TMEM14B: variants seen among roughly 807,000 people sequenced by gnomAD.
TMEM14B encodes the protein transmembrane protein 14B.
A neutral mutation model predicts 14.8 loss-of-function variants in TMEM14B; 9 were observed. The ratio of observed to expected loss-of-function variants is 0.61; its 90% CI spans 0.37 to 1.06. The LOEUF (loss-of-function observed/expected upper bound fraction) is 1.06, where lower values mean the gene tolerates loss of function less well. Among genes scored for constraint, TMEM14B ranks in the 50% least tolerant of loss-of-function variants. TMEM14B has a pLI of 0.01. For missense variants in TMEM14B, 128 were observed against 143.6 expected (o/e 0.89, Z 0.56); for synonymous variants, 40 against 51.3 (o/e 0.78, Z 0.94).
intron 1 of TMEM14B, among the ~76,000 whole-genome samples, chr6:10,748,711 C>T (rs1771430906): frequency 6.6e-6 from 1 of 152,142 alleles, no homozygotes. Flanking sequence ...TTACCCTCCC[C>T]TTCTGCCCTC....
downstream of TMEM14B, among the ~76,000 whole-genome samples, chr6:10,758,080 A>G (rs893824980): frequency 1.3e-5 from 2 of 152,036 alleles, no homozygotes; most frequent in African/African-American, 4.8e-5. Flanking sequence ...ATGTATTTGC[A>G]TAAGCCCCTG....
intron 4 of TMEM14B, among the ~76,000 whole-genome samples, chr6:10,754,233 A>G (rs1339671493): frequency 2.6e-5 from 4 of 152,156 alleles, no homozygotes. Context: ...AAATAATAAT[A>G]ATAATGCAAC....
chr6:10,747,927 T>G (rs1246844704), intron 1 of TMEM14B, 46 bp downstream of exon 1: 1 of 152,246 alleles, frequency 6.6e-6, no homozygotes, highest in Non-Finnish European at 1.5e-5. Context: ...TTCTGCCACT[T>G]TTAACTTTTA....
intron 3 of TMEM14B, among the ~76,000 whole-genome samples, chr6:10,750,205 TCTG>T (rs1241386952): frequency 2.0e-5 from 3 of 151,764 alleles, no homozygotes; most frequent in Non-Finnish European, 2.9e-5. Context: ...CCTATTTCCT[TCTG>T]CTTTTGTGAT....
chr6:10,749,603 ACTTCT>A lies in TMEM14B; in HGVS notation c.24-15_24-11del. 1.9e-6 allele frequency: 3 copies of A among 1,613,922 alleles called. No individual in the cohort carries two copies. Among genetic ancestry groups the A allele is most frequent in the Non-Finnish European group, 2.5e-6 (3 of 1,179,832 alleles). On this transcript the variant is annotated splice_polypyrimidine_tract_variant and intron_variant, in intron 2 of 5. Transcript: ENST00000379542. ...CCAGGTTAGCACTGACTTCTCACTG[ACTTCT>A]CTTGTGTTTTCAGAGTGCCTTTGCA...
intron 2 of TMEM14B, 144 bp downstream of exon 2, chr6:10,749,412 T>G: frequency 1.6e-6 from 2 of 1,230,110 alleles, no homozygotes; most frequent in Non-Finnish European, 1.2e-6. Flanking sequence ...GGCCAGAAAC[T>G]TGGGTTTGAG....
In TMEM14B at chr6:10,755,140, A is replaced by G. The variant is rs745409040; in HGVS notation, c.203-2A>G. The G allele has an allele frequency of 1.9e-6, 3 of 1,613,214 alleles. No individual in the cohort carries two copies. The African/African-American group carries it at 4.0e-5, about 22-fold the overall frequency. On this transcript the variant is annotated splice_acceptor_variant, in intron 4 of 5. Transcript: ENST00000379542. LOFTEE classifies it high-confidence loss of function. ...TTTGACCCTTCTTTGTATCTTTTTC[A>G]GCCGCTACATCTGTTACTTTTGTTG...
intron 5 of TMEM14B, chr6:10,755,955 CA>C (rs34267767): frequency 1.6e-3 from 202 of 128,478 alleles, no homozygotes; most frequent in East Asian, 2.7e-3. Context: ...GAGTCTGTCT[CA>C]AAAAAAAAAA....
chr6:10,754,012 G>C (rs1771700113), intron 4 of TMEM14B, among the ~76,000 whole-genome samples: 1 of 152,122 alleles, frequency 6.6e-6, no homozygotes, highest in Admixed American at 6.6e-5. Flanking sequence ...GGTGGCTCCT[G>C]CCTGTAGTCC....
intron 1 of TMEM14B, 98 bp from the exon 2 acceptor site, chr6:10,749,104 G>T (rs1419548062): frequency 2.7e-6 from 2 of 749,854 alleles, no homozygotes; most frequent in Non-Finnish European, 4.6e-6. Flanking sequence ...GAAGGATACT[G>T]AGACTTAGGT....
At chr6:10,751,445 G>A (rs142679222) in intron 4 of TMEM14B, among the ~76,000 whole-genome samples, 26 of 152,088 alleles carry the variant, frequency 1.7e-4, no homozygotes, top group Admixed American at 4.6e-4. Flanking sequence ...TAGATAATAT[G>A]GAAAGATTTC....
At chr6:10,756,235 G>A (rs979196358) in intron 5 of TMEM14B, among the ~76,000 whole-genome samples, 1 of 152,286 alleles carries the variant, frequency 6.6e-6, no homozygotes, top group East Asian at 1.9e-4. Flanking sequence ...ATTACTGGCA[G>A]TTGGATTAGG....
intron 3 of TMEM14B, chr6:10,750,095 G>A: frequency 4.7e-6 from 1 of 210,874 alleles, no homozygotes; most frequent in Non-Finnish European, 9.7e-6. Context: ...CAGTGGCTGT[G>A]CTTGTTTTTG....
chr6:10,756,409 A>G, intron 5 of TMEM14B, 58 bp from the exon 6 acceptor site: 1 of 1,597,536 alleles, frequency 6.3e-7, no homozygotes, highest in Non-Finnish European at 8.6e-7. Flanking sequence ...TTCCTTAAAA[A>G]CATAGTTGCC....
chr6:10,749,214 G>A lies in TMEM14B; in HGVS notation c.-32G>A, dbSNP rs900383696. 6 of 1,613,646 alleles carry A rather than the reference G, an allele frequency of 3.7e-6. No homozygotes were observed. In the South Asian group the frequency reaches 4.4e-5, roughly 12 times the overall value. The stretch of plus-strand genomic sequence containing the variant: ...TTGTTTTCCCCAGATGCAGGCCTGG[G>A]GTAGTCTCCTTTCTGGACTGAGAAG... On this transcript the variant is annotated 5_prime_UTR_variant, in exon 2 of 6. Coordinates refer to ENST00000379542, the MANE Select transcript of TMEM14B (RefSeq NM_030969.5).
rs1581616848 is a variant in TMEM14B, at chr6:10,756,359, C to G, written c.294-108C>G. 15 of 1,319,648 alleles carry G rather than the reference C, an allele frequency of 1.1e-5. No individual in the cohort carries two copies. The South Asian group carries it at 1.6e-4, about 14-fold the overall frequency. 81.7% of individuals were successfully genotyped at this position (1,319,648 alleles called of 1,614,324 possible). A position where few individuals can be genotyped will look rare whatever the true frequency, so the allele number is the denominator to read the frequency against. ...CCTCTGACCACTCTTGCCTTAGTAC[C>G]TCCTCCCCCACACAGTTGTGAGGAA... On this transcript the variant is annotated intron_variant, in intron 5 of 5. Coordinates refer to ENST00000379542, the MANE Select transcript of TMEM14B (RefSeq NM_030969.5).
intron 4 of TMEM14B, among the ~76,000 whole-genome samples, chr6:10,752,452 CTTTTTT>C (rs60849022): frequency 4.4e-5 from 5 of 112,508 alleles, no homozygotes; most frequent in Admixed American, 9.8e-5. Context: ...CATAAACTAC[CTTTTTT>C]TTTTTTTTTT....
At chr6:10,755,097 C>G (rs187472023) in intron 4 of TMEM14B, 45 bp from the exon 5 acceptor site, 1 of 1,600,428 alleles carries the variant, frequency 6.2e-7, no homozygotes, top group Non-Finnish European at 8.5e-7. Context: ...GATTCCCCTG[C>G]GTAGAAGACT....
At chr6:10,758,957 T>A (rs1771892217), downstream of TMEM14B, 2 of 164,262 alleles carry the variant, frequency 1.2e-5, no homozygotes, top group South Asian at 2.2e-4. Context: ...TGGCTCTTGT[T>A]GCCCAAGCTG....
Sources: allele counts gnomAD v4.1 joint callset (sites outside exome capture counted in the v4.1 genomes callset), GRCh38; gene constraint gnomAD v4.1.1; transcripts MANE v1.5; gene names NCBI Gene and HGNC (gene_info 2026-07-23, HGNC 2026-07-21).